The following NHSL1 variants were observed in gnomAD, a reference collection of about 807,000 sequenced individuals.
NHSL1 encodes NHS-like protein 1.
Under a neutral mutation model 95.0 loss-of-function variants are expected in NHSL1, and 48 were observed. The observed-to-expected ratio is 0.51, with a 90% CI of 0.40 to 0.64. The LOEUF is 0.64. NHSL1 is among the 30% of genes least tolerant of loss of function. The probability of loss-of-function intolerance (pLI) is 0.00; values close to 1 mark genes in which losing one functional copy is unlikely to be tolerated. For missense variants in NHSL1, 1,971 were observed against 2,077.7 expected, an observed-to-expected ratio of 0.95 and a Z score of 1.00; for synonymous variants, 783 against 833.9, an observed-to-expected ratio of 0.94 and a Z score of 1.05.
chr6:138,444,885 G>A (rs993279221), intron 4 of NHSL1, among the ~76,000 whole-genome samples: 7 of 152,136 alleles, frequency 4.6e-5, no homozygotes, highest in African/African-American at 7.2e-5. Context: ...CAATAAATAC[G>A]TGATTAGGTA....
upstream of NHSL1, among the ~76,000 whole-genome samples, chr6:138,572,861 A>AGATG (rs1554253757): frequency 1.3e-5 from 2 of 151,990 alleles, no homozygotes; most frequent in Admixed American, 1.3e-4. Context: ...ATAGATAGAT[A>AGATG]GATAGATAGA....
intron 1 of NHSL1, among the ~76,000 whole-genome samples, chr6:138,498,731 G>A (rs150889410): frequency 3.3e-4 from 50 of 152,234 alleles, no homozygotes; most frequent in East Asian, 1.2e-3. Context: ...GTTTGTGCTC[G>A]AGCTCTTAAA....
At chr6:138,565,232 A>C (rs1304893448) in intron 1 of NHSL1, among the ~76,000 whole-genome samples, 3 of 151,944 alleles carry the variant, frequency 2.0e-5, no homozygotes, top group African/African-American at 2.4e-5. Flanking sequence ...TCAGCCTCCC[A>C]AGTAGCTGGG....
chr6:138,446,842 C>T (rs1371591178), intron 4 of NHSL1, 159 bp downstream of exon 4: 17 of 675,146 alleles, frequency 2.5e-5, no homozygotes, highest in Non-Finnish European at 2.0e-5. Flanking sequence ...TATGCACACA[C>T]ATATGTAGTT....
intron 1 of NHSL1, among the ~76,000 whole-genome samples, chr6:138,553,357 C>G (rs918563294): frequency 6.6e-6 from 1 of 152,172 alleles, no homozygotes; most frequent in African/African-American, 2.4e-5. Context: ...AACCATGCTC[C>G]TCTCCAGTAG....
At chr6:138,463,599 T>C (rs1024939991) in intron 3 of NHSL1, among the ~76,000 whole-genome samples, 5 of 151,790 alleles carry the variant, frequency 3.3e-5, no homozygotes, top group African/African-American at 9.7e-5. Flanking sequence ...TAGGTATACA[T>C]GTGCCATGGT....
At chr6:138,630,410 G>A (rs1244034677) in intron 1 of NHSL1, among the ~76,000 whole-genome samples, 1 of 151,948 alleles carries the variant, frequency 6.6e-6, no homozygotes, top group Non-Finnish European at 1.5e-5. Context: ...TTGTTTTACT[G>A]AGATGGAGTT....
intron 1 of NHSL1, among the ~76,000 whole-genome samples, chr6:138,563,837 A>G (rs1783503928): frequency 6.6e-6 from 1 of 152,198 alleles, no homozygotes; most frequent in African/African-American, 2.4e-5. Context: ...CAGTGAAGTT[A>G]CACGTGACTC....
intron 1 of NHSL1, among the ~76,000 whole-genome samples, chr6:138,578,692 G>T (rs750761182): frequency 2.6e-5 from 4 of 151,904 alleles, no homozygotes; most frequent in South Asian, 2.1e-4. Context: ...TACTCAACCA[G>T]TTTTTCTTTT....
At chr6:138,605,673 G>A (rs1199276123) in intron 1 of NHSL1, among the ~76,000 whole-genome samples, 2 of 152,154 alleles carry the variant, frequency 1.3e-5, no homozygotes, top group Non-Finnish European at 2.9e-5. Context: ...ATTCATCAAA[G>A]AGAAGCATCA....
In NHSL1 at chr6:138,522,366, T is replaced by C. The variant is rs528431836; in HGVS notation, c.16+23257A>G. Among the ~76,000 whole-genome samples the C allele has an allele frequency of 1.6e-3, 240 of 152,212 alleles. 2 individuals are homozygous for C. Among genetic ancestry groups the C allele is most frequent in the Non-Finnish European group, 2.1e-3 (145 of 67,974 alleles). On this transcript the variant is annotated intron_variant, in intron 1 of 4. Transcript: ENST00000342260. The stretch of plus-strand genomic sequence containing the variant: ...TACAAAAATATAAAATTTAGGCCAG[T>C]TGTGGTGGCTCACGCCTGTAATCCC...
intron 2 of NHSL1, among the ~76,000 whole-genome samples, chr6:138,476,110 G>A (rs982386951): frequency 7.9e-5 from 12 of 152,168 alleles, no homozygotes; most frequent in Non-Finnish European, 7.3e-5. Context: ...ACTAAAAATA[G>A]AATGACCATT....
Position 138,473,339 on chromosome 6 carries a change from A to AT in NHSL1, c.305dup (p.Asp102GlufsTer5), listed in dbSNP as rs1778867998. 1 of 1,547,162 alleles carries AT rather than the reference A, an allele frequency of 6.5e-7. No individual in the cohort carries two copies. Among genetic ancestry groups the AT allele is most frequent in the Non-Finnish European group, 8.7e-7 (1 of 1,145,426 alleles). On this transcript the variant is annotated frameshift_variant, in exon 3 of 8. Transcript: ENST00000343505. LOFTEE classifies it high-confidence loss of function. ...CTGTTTCTTCATCTTCATCTTGGTA[A>AT]TCATCACAGAATGGGCTGGCGTTGG...
intron 1 of NHSL1, among the ~76,000 whole-genome samples, chr6:138,536,129 G>A (rs1440782124): frequency 6.6e-6 from 1 of 152,166 alleles, no homozygotes; most frequent in East Asian, 1.9e-4. Context: ...CCTGTGGTAT[G>A]GCATGTGTTA....
intron 1 of NHSL1, among the ~76,000 whole-genome samples, chr6:138,508,235 CA>C (rs1781057870): frequency 6.6e-6 from 1 of 152,172 alleles, no homozygotes; most frequent in East Asian, 1.9e-4. Context: ...ACACAGCATT[CA>C]AAGTTCAACC....
At chr6:138,480,638 T>C (rs1216717922) in intron 2 of NHSL1, among the ~76,000 whole-genome samples, 1 of 152,198 alleles carries the variant, frequency 6.6e-6, no homozygotes, top group African/African-American at 2.4e-5. Context: ...AAAAACTGAA[T>C]GTGGTTTATT....
Position 138,424,932 on chromosome 6 carries a change from C to CA in NHSL1, c.4086-117dup. 1 of 905,082 alleles carries CA rather than the reference C, an allele frequency of 1.1e-6. No individual in the cohort carries two copies. The highest frequency in any genetic ancestry group is 1.6e-6 in the Non-Finnish European group (1 of 613,704). 56.1% of individuals were successfully genotyped at this position (905,082 alleles called of 1,614,324 possible). The stretch of plus-strand genomic sequence containing the variant: ...TCACCATCTACTTAAGATTCACTTT[C>CA]AAAAAATTTATTTTTGACTGGGCAC... On this transcript the variant is annotated intron_variant, in intron 7 of 7. Coordinates refer to ENST00000343505, the MANE Select transcript of NHSL1 (RefSeq NM_001144060.2). This position sits in a 1 kb window ranked among gnomAD's most constrained non-coding sequence, Gnocchi z 5.9.
At chr6:138,474,932 T>C (rs1009851760) in intron 2 of NHSL1, among the ~76,000 whole-genome samples, 5 of 152,194 alleles carry the variant, frequency 3.3e-5, no homozygotes, top group Admixed American at 2.0e-4. Flanking sequence ...GAGGATCATC[T>C]GAGGTCGGGA....
chr6:138,430,854 G>C lies in NHSL1; in HGVS notation c.3491C>G (p.Pro1164Arg), dbSNP rs941938954. 7 of 1,550,918 alleles carry C rather than the reference G, an allele frequency of 4.5e-6. No homozygotes were observed. In the African/African-American group the frequency reaches 5.5e-5, roughly 12 times the overall value. The part of the protein sequence containing the change: ...AERGGPVSRS[P>R]GAPSAGEAEA... The stretch of plus-strand genomic sequence containing the variant: ...TGCCTCCCCAGCGCTTGGAGCTCCA[G>C]GGCTGCGGCTCACAGGGCCACCACG... The change falls in exon 6 of 8, where the codon CCT becomes CGT. Residue 1164 changes from proline to arginine, a missense_variant. Coordinates refer to ENST00000343505, the MANE Select transcript of NHSL1 (RefSeq NM_001144060.2). This position sits in a 1 kb window ranked among gnomAD's most constrained non-coding sequence, Gnocchi z 4.7.
Sources: gnomAD v4.1 joint callset for allele counts (sites outside exome capture counted in the v4.1 genomes callset) on GRCh38, gnomAD v4.1.1 for gene constraint, Gnocchi (gnomAD v3.1) non-coding constraint, MANE v1.5 for transcripts, NCBI Gene and HGNC (gene_info 2026-07-23, HGNC 2026-07-21) for gene names.